AFF3: variants seen among roughly 807,000 people sequenced by gnomAD.
AFF3 encodes the protein ALF transcription elongation factor 3.
Under a neutral mutation model 129.7 loss-of-function variants are expected in AFF3, and 32 were observed. The observed-to-expected ratio is 0.25, with a 90% CI of 0.19 to 0.33. AFF3 has a LOEUF of 0.33. Ranked by LOEUF, AFF3 falls within the 10% of genes least tolerant of loss-of-function variation. The pLI is 1.00. For missense variants in AFF3, 1,373 were observed against 1,592.0 expected (o/e 0.86, Z 2.34); for synonymous variants, 644 against 635.4 (o/e 1.01, Z -0.20).
chr2:99,767,310 G>A (rs1160459963), intron 8 of AFF3, among the ~76,000 whole-genome samples: 1 of 152,190 alleles, frequency 6.6e-6, no homozygotes, highest in African/African-American at 2.4e-5. Context: ...GTTCTGATGG[G>A]TCTAATTAGC....
intron 10 of AFF3, among the ~76,000 whole-genome samples, chr2:99,731,006 T>C (rs1427264456): frequency 6.6e-6 from 1 of 152,098 alleles, no homozygotes; most frequent in East Asian, 1.9e-4. Context: ...CAGACTGGAG[T>C]GCAGTGGTGC....
chr2:99,582,685 G>A, intron 17 of AFF3, 113 bp downstream of exon 17: 1 of 1,169,882 alleles, frequency 8.5e-7, no homozygotes. Context: ...AGGCATTCAG[G>A]AATTCTCAAG....
At chr2:99,583,068 G>T in intron 16 of AFF3, 69 bp from the exon 17 acceptor site, 1 of 1,464,216 alleles carries the variant, frequency 6.8e-7, no homozygotes, top group Non-Finnish European at 9.5e-7. Context: ...GTTTTCATAT[G>T]ACCCAAACCA....
intron 4 of AFF3, among the ~76,000 whole-genome samples, chr2:100,016,467 G>GAGATGGTGATGGTGGTGT (rs1683086644): frequency 6.6e-6 from 1 of 151,424 alleles, no homozygotes; most frequent in Non-Finnish European, 1.5e-5. Context: ...GATGGTGGTG[G>GAGATGGTGATGGTGGTGT]TAATGGTGTT....
Position 99,885,541 on chromosome 2 carries a change from T to C in AFF3, c.874-48017A>G, listed in dbSNP as rs995925977. On this transcript the variant is annotated intron_variant, in intron 7 of 24. Coordinates refer to ENST00000672756, the MANE Select transcript of AFF3 (RefSeq NM_001386135.1). ...GTTCCTACTTTCAATCAAGGAATCA[T>C]GAGTCTCAGAGATACTCTAGGCCCC... Among the ~76,000 whole-genome samples, 13 of 152,354 alleles carry C rather than the reference T, an allele frequency of 8.5e-5. No individual in the cohort carries two copies. In the East Asian group the frequency reaches 2.3e-3, roughly 27 times the overall value.
chr2:99,765,404 C>T (rs913506561), intron 8 of AFF3, among the ~76,000 whole-genome samples: 62 of 152,306 alleles, frequency 4.1e-4, no homozygotes, highest in Middle Eastern at 3.4e-3. Context: ...AAACCCCTGT[C>T]GCAATTGCAG....
intron 2 of AFF3, among the ~76,000 whole-genome samples, chr2:100,115,357 G>A (rs1216802593): frequency 6.6e-6 from 1 of 152,100 alleles, no homozygotes; most frequent in Non-Finnish European, 1.5e-5. Flanking sequence ...AGACCAGTTT[G>A]GCCAACATGG....
intron 7 of AFF3, among the ~76,000 whole-genome samples, chr2:99,862,475 G>A (rs558221908): frequency 2.6e-5 from 4 of 152,314 alleles, no homozygotes; most frequent in East Asian, 1.9e-4. Flanking sequence ...TCAAACCCTG[G>A]ATCACTAAAA....
chr2:100,027,621 T>A (rs1267374154), intron 4 of AFF3, among the ~76,000 whole-genome samples: 2 of 152,224 alleles, frequency 1.3e-5, no homozygotes, highest in African/African-American at 4.8e-5. Context: ...ATTTCATCAG[T>A]ACTCTTCTCA....
chr2:99,614,332 T>A (rs1681211082), intron 13 of AFF3, among the ~76,000 whole-genome samples: 1 of 152,246 alleles, frequency 6.6e-6, no homozygotes. Context: ...CACATTTCAC[T>A]GCTGATGCTA....
At chr2:100,056,524 C>A (rs570737891) in intron 4 of AFF3, among the ~76,000 whole-genome samples, 1 of 152,180 alleles carries the variant, frequency 6.6e-6, no homozygotes, top group Admixed American at 6.5e-5. Context: ...GTTCCACAAT[C>A]ACATCTGCAA....
chr2:99,871,463 T>C (rs987375484), intron 7 of AFF3, among the ~76,000 whole-genome samples: 36 of 152,176 alleles, frequency 2.4e-4, no homozygotes, highest in Admixed American at 1.1e-3. Context: ...ATCGCGAAAA[T>C]AGATTAAAAA....
chr2:99,730,802 C>T (rs1397560307), intron 10 of AFF3, among the ~76,000 whole-genome samples: 2 of 151,908 alleles, frequency 1.3e-5, no homozygotes, highest in African/African-American at 4.8e-5. Flanking sequence ...TGTGAGCCAC[C>T]GTGCTCGGCC....
intron 4 of AFF3, among the ~76,000 whole-genome samples, chr2:100,086,262 C>T (rs1162394586): frequency 6.6e-6 from 1 of 152,242 alleles, no homozygotes; most frequent in Non-Finnish European, 1.5e-5. Context: ...ATGGCTCATG[C>T]CTGTAATCCC....
At chr2:99,795,640 T>C (rs562865459) in intron 8 of AFF3, among the ~76,000 whole-genome samples, 2 of 152,184 alleles carry the variant, frequency 1.3e-5, no homozygotes, top group South Asian at 4.1e-4. Flanking sequence ...GCTCGGCTTC[T>C]AGGCTCTCAT....
intron 4 of AFF3, among the ~76,000 whole-genome samples, chr2:100,078,076 T>C (rs1688730485): frequency 6.6e-6 from 1 of 152,202 alleles, no homozygotes; most frequent in East Asian, 1.9e-4. Context: ...TTTCAATTAG[T>C]AAACTACACA....
rs970051025 is a variant in AFF3 at position 99,550,813 on chromosome 2, A to G, written c.*661T>C. On this transcript the variant is annotated 3_prime_UTR_variant, in exon 25 of 25. Transcript: ENST00000672756. The stretch of plus-strand genomic sequence containing the variant: ...TGTTTGCCTGGAATGCATTTAGTTG[A>G]TAATAGAGTCAGATGGGGGAAGGGA... The G allele has an allele frequency of 1.7e-5, 4 of 234,798 alleles. No homozygotes were observed. Among genetic ancestry groups the G allele is most frequent in the African/African-American group, 4.4e-5 (2 of 45,374 alleles). The allele number at this position is 234,798 out of a possible 1,614,324, so 14.5% of individuals were successfully genotyped here. A position where few individuals can be genotyped will look rare whatever the true frequency, so the allele number is the denominator to read the frequency against.
intron 13 of AFF3, among the ~76,000 whole-genome samples, chr2:99,631,222 C>G (rs544912651): frequency 1.3e-5 from 2 of 152,216 alleles, no homozygotes; most frequent in African/African-American, 4.8e-5. Context: ...AATGGTTAAG[C>G]TGGACTTCTC....
At chr2:99,937,689 G>T (rs528200557) in intron 7 of AFF3, among the ~76,000 whole-genome samples, 13 of 152,134 alleles carry the variant, frequency 8.5e-5, no homozygotes, top group African/African-American at 2.9e-4. Context: ...AAGCCACCGC[G>T]CCCGGCCCTG....
Sources: gnomAD v4.1 joint callset for allele counts (sites outside exome capture counted in the v4.1 genomes callset) on GRCh38, gnomAD v4.1.1 for gene constraint, MANE v1.5 for transcripts, NCBI Gene and HGNC (gene_info 2026-07-23, HGNC 2026-07-21) for gene names.